Variants in HSPA4L observed in about 807,000 individuals in gnomAD.
HSPA4L encodes heat shock protein family A (Hsp70) member 4 like.
Under a neutral mutation model 100.3 loss-of-function variants are expected in HSPA4L, and 48 were observed. The ratio of observed to expected loss-of-function variants is 0.48; its 90% confidence interval spans 0.38 to 0.61. The LOEUF (loss-of-function observed/expected upper bound fraction) is 0.61. Ranked by LOEUF, HSPA4L falls within the 20% of genes least tolerant of loss-of-function variation. The pLI is 0.00. For synonymous variants in HSPA4L, 319 were observed against 328.2 expected (o/e 0.97, Z 0.30); for missense variants, 886 against 988.6 (o/e 0.90, Z 1.39).
chr4:127,811,071 T>C (rs1733515048), intron 11 of HSPA4L, among the ~76,000 whole-genome samples: 1 of 152,206 alleles, frequency 6.6e-6, no homozygotes, highest in Non-Finnish European at 1.5e-5. Context: ...AAATCTATTT[T>C]GTTTTCAAAT....
chr4:127,788,422 C>A (rs1383578492), intron 1 of HSPA4L, among the ~76,000 whole-genome samples: 1 of 152,260 alleles, frequency 6.6e-6, no homozygotes, highest in Non-Finnish European at 1.5e-5. Flanking sequence ...TCCCCCTCCC[C>A]CTTCTAGGGC....
intron 16 of HSPA4L, 90 bp from the exon 17 acceptor site, chr4:127,827,212 TTTC>T: frequency 9.8e-7 from 1 of 1,025,116 alleles, no homozygotes; most frequent in South Asian, 1.6e-5. Flanking sequence ...CTGTCCATCT[TTTC>T]TTCCTATTTA....
At chr4:127,797,720 A>T (rs1043609296) in intron 3 of HSPA4L, among the ~76,000 whole-genome samples, 1 of 151,448 alleles carries the variant, frequency 6.6e-6, no homozygotes, top group African/African-American at 2.4e-5. Flanking sequence ...TCCAGCCTCA[A>T]CCTCCCAAGT....
chr4:127,800,296 A>AGTTTT (rs1733138987), intron 4 of HSPA4L, among the ~76,000 whole-genome samples: 1 of 151,878 alleles, frequency 6.6e-6, no homozygotes, highest in Non-Finnish European at 1.5e-5. Context: ...CCGTCTCTAC[A>AGTTTT]GTTTTGTTTT....
chr4:127,826,343 A>T (rs1283137050), intron 16 of HSPA4L, among the ~76,000 whole-genome samples: 2 of 152,102 alleles, frequency 1.3e-5, no homozygotes, highest in African/African-American at 4.8e-5. Flanking sequence ...TTGAGGCTGC[A>T]GTAAGCTGTC....
intron 8 of HSPA4L, among the ~76,000 whole-genome samples, chr4:127,804,608 A>AACACACACACACACACAC (rs56013070): frequency 6.9e-6 from 1 of 144,316 alleles, no homozygotes; most frequent in Non-Finnish European, 1.5e-5. Context: ...TCTGTCTCAA[A>AACACACACACACACACAC]ACACACACAC....
chr4:127,799,131 A>G (rs1450163313), intron 4 of HSPA4L, among the ~76,000 whole-genome samples: 2 of 152,158 alleles, frequency 1.3e-5, no homozygotes, highest in Non-Finnish European at 2.9e-5. Flanking sequence ...TTATCTCTTG[A>G]GGTCCCATTA....
At chr4:127,789,172 A>G (rs1477698018) in intron 1 of HSPA4L, among the ~76,000 whole-genome samples, 1 of 152,226 alleles carries the variant, frequency 6.6e-6, no homozygotes, top group Non-Finnish European at 1.5e-5. Flanking sequence ...AAGAGAAAAT[A>G]CAGATACAGC....
intron 16 of HSPA4L, 103 bp downstream of exon 16, chr4:127,823,727 T>G (rs1733874188): frequency 1.5e-6 from 1 of 653,672 alleles, no homozygotes; most frequent in Non-Finnish European, 2.6e-6. Context: ...ATTTTTTAAT[T>G]GAGAGGAAAA....
At position 127,803,878 on chromosome 4, in the gene HSPA4L, C is replaced by T. The variant is rs1280463979; in HGVS notation, c.908+5C>T. ...TGTTTCTAGTAAAATGAACAGGTAC[C>T]ACGTATGTTTTTAGTTTGAAAAGTG... On this transcript the variant is annotated splice_donor_5th_base_variant and intron_variant, in intron 7 of 18. Coordinates refer to ENST00000296464, the MANE Select transcript of HSPA4L (RefSeq NM_014278.4). 1.9e-6 allele frequency: 3 copies of T among 1,611,552 alleles called. No individual in the cohort carries two copies. The highest frequency in any genetic ancestry group is 2.5e-6 in the Non-Finnish European group (3 of 1,178,690).
At chr4:127,823,434 G>T in intron 15 of HSPA4L, 83 bp from the exon 16 acceptor site, 1 of 878,560 alleles carries the variant, frequency 1.1e-6, no homozygotes, top group Admixed American at 2.2e-5. Flanking sequence ...CAGGCATGAG[G>T]CACTGCACTG....
chr4:127,791,036 G>T (rs886734281), intron 1 of HSPA4L, among the ~76,000 whole-genome samples: 6 of 152,050 alleles, frequency 3.9e-5, no homozygotes, highest in Non-Finnish European at 7.4e-5. Context: ...TGCAGGTCAA[G>T]GCCTCAGTGA....
At chr4:127,814,514 C>T (rs768938854) in intron 12 of HSPA4L, among the ~76,000 whole-genome samples, 22 of 151,774 alleles carry the variant, frequency 1.4e-4, no homozygotes, top group Non-Finnish European at 2.8e-4. Context: ...TTTCCTTTTC[C>T]TTGCTAATAA....
Position 127,803,758 on chromosome 4 carries a change from C to A in HSPA4L, c.793C>A (p.Arg265Ser). ...GAAAGAAAACTCTCGGGCCTTGTTGCGTTTATATCAGGAATGTGAAAAACT... is the reference window on the plus strand; with the variant it reads ...GAAAGAAAACTCTCGGGCCTTGTTGAGTTTATATCAGGAATGTGAAAAACT... ...NVKENSRALL[R>S]LYQECEKLKK... is the part of the protein sequence containing the mutation. Residue 265 changes from arginine to serine, a missense_variant, in exon 7 of 19, where the codon CGT (arginine) becomes AGT (serine). Physicochemically the swap from Arg to Ser is moderately radical, Grantham distance 110. Coordinates refer to ENST00000296464, the MANE Select transcript of HSPA4L (RefSeq NM_014278.4). 1 of 1,613,790 alleles carries A rather than the reference C, an allele frequency of 6.2e-7. No individual in the cohort carries two copies. Among genetic ancestry groups the A allele is most frequent in the Non-Finnish European group, 8.5e-7 (1 of 1,179,906 alleles).
rs1236751912 is a variant in HSPA4L, at chr4:127,823,415, T to C, written c.1939-102T>C. On this transcript the variant is annotated intron_variant, in intron 15 of 18. Transcript: ENST00000296464. ...CCTCCCACCTTGGCCTTTCAAAGTG[T>C]TGGGATTACAGGCATGAGGCACTGC... is the stretch of plus-strand genomic sequence containing the variant. 4 of 745,872 alleles carry C rather than the reference T, an allele frequency of 5.4e-6. No individual in the cohort carries two copies. In the East Asian group the frequency reaches 8.4e-5, roughly 16 times the overall value. The allele number at this position is 745,872 out of a possible 1,614,324, so 46.2% of individuals were successfully genotyped here. A position where few individuals can be genotyped will look rare whatever the true frequency, so the allele number is the denominator to read the frequency against.
At chr4:127,816,093 C>T (rs551661544) in intron 12 of HSPA4L, among the ~76,000 whole-genome samples, 61 of 152,184 alleles carry the variant, frequency 4.0e-4, no homozygotes, top group Middle Eastern at 6.8e-3. Flanking sequence ...AGCGACAAAT[C>T]GGGTAAAACC....
At chr4:127,784,376 C>T (rs1417682144) in intron 1 of HSPA4L, among the ~76,000 whole-genome samples, 2 of 152,160 alleles carry the variant, frequency 1.3e-5, no homozygotes, top group Non-Finnish European at 2.9e-5. Flanking sequence ...AGATCCTGGC[C>T]GGCCAGACTT....
intron 1 of HSPA4L, chr4:127,783,497 G>T (rs1200099662): frequency 8.9e-6 from 13 of 1,466,128 alleles, no homozygotes; most frequent in Admixed American, 4.8e-5. Context: ...GAGGAGCGGC[G>T]TTATGTCATG....
At chr4:127,807,865 G>GT (rs1187485688) in intron 10 of HSPA4L, 131 bp from the exon 11 acceptor site, 2 of 854,770 alleles carry the variant, frequency 2.3e-6, no homozygotes, top group African/African-American at 3.5e-5. Flanking sequence ...ATCAGTAATT[G>GT]TTTTTTCTTT....
Sources: gnomAD v4.1 joint callset for allele counts (sites outside exome capture counted in the v4.1 genomes callset) on GRCh38, gnomAD v4.1.1 for gene constraint, MANE v1.5 for transcripts, NCBI Gene and HGNC (gene_info 2026-07-23, HGNC 2026-07-21) for gene names.